Variants in PAH observed in about 807,000 individuals in gnomAD.
The protein encoded by PAH is phenylalanine hydroxylase.
Under a neutral mutation model 62.0 loss-of-function variants are expected in PAH, and 64 were observed. That is an observed-to-expected ratio of 1.03 (90% CI 0.84 to 1.27). The LOEUF (loss-of-function observed/expected upper bound fraction) is 1.27. Ranked by LOEUF, PAH falls within the 50% of genes most tolerant of loss-of-function variation. The pLI is 0.00. For synonymous variants in PAH, 195 were observed against 196.2 expected, an observed-to-expected ratio of 0.99 and a Z score of 0.05; for missense variants, 579 against 542.8, an observed-to-expected ratio of 1.07 and a Z score of -0.66.
chr12:102,907,069 T>G (rs1878006226), intron 2 of PAH, among the ~76,000 whole-genome samples: 1 of 152,238 alleles, frequency 6.6e-6, no homozygotes, highest in African/African-American at 2.4e-5. Context: ...TATGTTAATT[T>G]GTAATATTTG....
chr12:102,926,098 T>C (rs891544616), intron 1 of PAH, among the ~76,000 whole-genome samples: 7 of 151,994 alleles, frequency 4.6e-5, no homozygotes, highest in Non-Finnish European at 7.4e-5. Context: ...CTCAAAGTAA[T>C]TTCACATCCT....
intron 5 of PAH, 61 bp downstream of exon 5, chr12:102,866,528 AGGGCAAG>A: frequency 2.5e-6 from 3 of 1,210,924 alleles, no homozygotes; most frequent in Non-Finnish European, 2.5e-6. Context: ...CAACTGGATG[AGGGCAAG>A]GGAGAAGCAG....
intron 2 of PAH, among the ~76,000 whole-genome samples, chr12:102,899,682 A>AC (rs1233688274): frequency 6.7e-6 from 1 of 149,608 alleles, no homozygotes; most frequent in East Asian, 2.0e-4. Context: ...AAACGGTGAA[A>AC]CCCCGTCTCT....
At chr12:102,848,760 T>TGGAGAGGTAGAGGGTAAACAGGA (rs1555204093) in intron 8 of PAH, among the ~76,000 whole-genome samples, 185 of 84,900 alleles carry the variant, frequency 2.2e-3, no homozygotes, top group African/African-American at 4.0e-3. Context: ...GGTAGACAGG[T>TGGAGAGGTAGAGGGTAAACAGGA]CACCAGGAGA....
intron 1 of PAH, among the ~76,000 whole-genome samples, chr12:102,944,423 G>T (rs1235339070): frequency 6.6e-6 from 1 of 152,018 alleles, no homozygotes; most frequent in Non-Finnish European, 1.5e-5. Flanking sequence ...TTATTTTCTA[G>T]ATCTTGTAGG....
chr12:102,875,230 G>T (rs1876513244), intron 4 of PAH, among the ~76,000 whole-genome samples: 1 of 152,198 alleles, frequency 6.6e-6, no homozygotes, highest in South Asian at 2.1e-4. Flanking sequence ...GGGAGTCAAA[G>T]ATGTGGCTTT....
At chr12:102,867,921 A>ATC (rs1565854264) in intron 4 of PAH, among the ~76,000 whole-genome samples, 21 of 142,084 alleles carry the variant, frequency 1.5e-4, no homozygotes, top group African/African-American at 5.1e-4. Flanking sequence ...ATGTATATAC[A>ATC]TATATAGATG....
intron 3 of PAH, among the ~76,000 whole-genome samples, chr12:102,894,328 C>A (rs1184099250): frequency 1.3e-5 from 2 of 149,500 alleles, no homozygotes; most frequent in Non-Finnish European, 3.0e-5. Flanking sequence ...ACAATTTACC[C>A]GTGTAACAAA....
At chr12:102,848,590 A>G (rs1342046471) in intron 8 of PAH, among the ~76,000 whole-genome samples, 1 of 151,604 alleles carries the variant, frequency 6.6e-6, no homozygotes, top group African/African-American at 2.4e-5. Context: ...ACAGGACATC[A>G]GGAGACTGGA....
chr12:102,899,463 T>C (rs916231734), intron 2 of PAH, among the ~76,000 whole-genome samples: 9 of 152,184 alleles, frequency 5.9e-5, no homozygotes, highest in Non-Finnish European at 1.2e-4. Context: ...AAAATTCACA[T>C]AGCATTTCAC....
At position 102,852,923 on chromosome 12, in the gene PAH, A is replaced by G. The variant is rs76212747; in HGVS notation, c.734T>C (p.Val245Ala). 866 of 1,614,142 alleles carry G rather than the reference A, an allele frequency of 5.4e-4. No individual in the cohort carries two copies. The highest frequency in any genetic ancestry group is 6.8e-4 in the Non-Finnish European group (800 of 1,180,008). Residue 245 changes from valine (V) to alanine (A), a missense_variant, in exon 7 of 13, where the codon GTG becomes GCG. Transcript: ENST00000553106. ...QTCTGFRLRP[V>A]AGLLSSRDFL... ...ATCCCGAGAGGAAAGCAGGCCAGCCACAGGTCGGAGGCGGAAACCAGTGCA... is the reference window on the plus strand; with the variant it reads ...ATCCCGAGAGGAAAGCAGGCCAGCCGCAGGTCGGAGGCGGAAACCAGTGCA...
intron 1 of PAH, among the ~76,000 whole-genome samples, chr12:102,925,425 G>A (rs1442462236): frequency 2.0e-5 from 3 of 152,094 alleles, no homozygotes; most frequent in Non-Finnish European, 4.4e-5. Context: ...CTTAGAATTT[G>A]ATGAGAAAAA....
chr12:102,936,506 G>A (rs768049509), intron 1 of PAH, among the ~76,000 whole-genome samples: 19 of 151,904 alleles, frequency 1.3e-4, no homozygotes, highest in Admixed American at 3.3e-4. Context: ...TTATTGTATG[G>A]GAATCTACCT....
At chr12:102,879,938 C>T (rs575591008) in intron 3 of PAH, among the ~76,000 whole-genome samples, 1 of 152,352 alleles carries the variant, frequency 6.6e-6, no homozygotes, top group South Asian at 2.1e-4. Flanking sequence ...CTCCAGGTAA[C>T]ACTTCTGTCG....
intron 1 of PAH, among the ~76,000 whole-genome samples, chr12:102,942,930 G>C (rs1479256174): frequency 6.6e-6 from 1 of 151,846 alleles, no homozygotes; most frequent in Admixed American, 6.6e-5. Flanking sequence ...ATGATTAAAA[G>C]ACCTAAAACT....
chr12:102,934,865 G>A (rs1047456165), intron 1 of PAH, among the ~76,000 whole-genome samples: 2 of 152,114 alleles, frequency 1.3e-5, no homozygotes, highest in Admixed American at 6.5e-5. Context: ...TACAAATAAA[G>A]ATAATTTGAC....
At chr12:102,928,339 C>G (rs1227569514) in intron 1 of PAH, among the ~76,000 whole-genome samples, 1 of 152,094 alleles carries the variant, frequency 6.6e-6, no homozygotes, top group African/African-American at 2.4e-5. Flanking sequence ...TTTAAATGTA[C>G]AATAAATTAC....
chr12:102,866,916 G>A (rs1316622826), intron 4 of PAH, among the ~76,000 whole-genome samples: 2 of 152,168 alleles, frequency 1.3e-5, no homozygotes, highest in Non-Finnish European at 2.9e-5. Context: ...TGTTCTTAAA[G>A]AAACCTCATC....
chr12:102,868,176 G>GTATATATATATATA (rs201396594), intron 4 of PAH, among the ~76,000 whole-genome samples: 1 of 2,388 alleles, frequency 4.2e-4, no homozygotes, highest in Non-Finnish European at 8.2e-4. Context: ...ACATATATGT[G>GTATATATATATATA]TATATATATA....
Sources: allele counts gnomAD v4.1 joint callset (sites outside exome capture counted in the v4.1 genomes callset), GRCh38; gene constraint gnomAD v4.1.1; transcripts MANE v1.5; gene names NCBI Gene and HGNC (gene_info 2026-07-23, HGNC 2026-07-21).